Variants in ROBO2 observed in about 807,000 individuals in gnomAD.
The protein encoded by ROBO2 is roundabout guidance receptor 2, also known as roundabout homolog 2.
Under a neutral mutation model 160.8 loss-of-function variants are expected in ROBO2, and 53 were observed. That is an observed-to-expected ratio of 0.33 (90% CI 0.26 to 0.41). The LOEUF is 0.41. ROBO2 is among the 10% of genes least tolerant of loss of function. The pLI, the probability that ROBO2 is intolerant of heterozygous loss-of-function variation, is 1.00. For synonymous variants in ROBO2, 664 were observed against 611.7 expected, an observed-to-expected ratio of 1.09 and a Z score of -1.26; for missense variants, 1,577 against 1,722.4, an observed-to-expected ratio of 0.92 and a Z score of 1.49.
At chr3:75,941,086 A>C (rs1239402544) in intron 2 of ROBO2, among the ~76,000 whole-genome samples, 3 of 152,104 alleles carry the variant, frequency 2.0e-5, no homozygotes, top group Admixed American at 2.0e-4. Flanking sequence ...TACCATGCCC[A>C]GCTAGTTTAT....
chr3:77,321,526 A>G (rs1203611312), intron 2 of ROBO2, among the ~76,000 whole-genome samples: 1 of 152,132 alleles, frequency 6.6e-6, no homozygotes, highest in Non-Finnish European at 1.5e-5. Flanking sequence ...GTCTCAAAAG[A>G]AGAAAAAAAG....
intron 2 of ROBO2, among the ~76,000 whole-genome samples, chr3:76,644,033 C>G (rs1462271256): frequency 6.6e-6 from 1 of 152,106 alleles, no homozygotes; most frequent in East Asian, 1.9e-4. Context: ...ATGGATTGTA[C>G]CCATATAGAG....
At chr3:77,219,489 G>GTGTATATATATATATAATCTGTATATA (rs2085479710) in intron 2 of ROBO2, among the ~76,000 whole-genome samples, 1 of 111,476 alleles carries the variant, frequency 9.0e-6, no homozygotes, top group Non-Finnish European at 1.9e-5. Flanking sequence ...TATATAATCT[G>GTGTATATATATATATAATCTGTATATA]TATATATATA....
chr3:76,932,874 G>A (rs17819911), intron 2 of ROBO2, among the ~76,000 whole-genome samples: 22,085 of 151,900 alleles, frequency 0.15, 1,796 homozygotes, highest in Non-Finnish European at 0.19. Context: ...GAAAATGGGC[G>A]CTCGGATATA....
chr3:77,482,171 G>A (rs1261614528), intron 4 of ROBO2, among the ~76,000 whole-genome samples: 3 of 152,120 alleles, frequency 2.0e-5, no homozygotes, highest in East Asian at 3.9e-4. Flanking sequence ...CAGATATTAT[G>A]TGATTTTTTA....
At chr3:76,821,471 C>T (rs557651557) in intron 2 of ROBO2, among the ~76,000 whole-genome samples, 2 of 152,004 alleles carry the variant, frequency 1.3e-5, no homozygotes, top group South Asian at 2.1e-4. Flanking sequence ...TAAAATCATA[C>T]CTATCAATTT....
chr3:77,455,991 T>A (rs2153566594), intron 2 of ROBO2, among the ~76,000 whole-genome samples: 1 of 152,280 alleles, frequency 6.6e-6, no homozygotes, highest in African/African-American at 2.4e-5. Flanking sequence ...TAAAAATGAA[T>A]TATCAAGGCC....
intron 2 of ROBO2, among the ~76,000 whole-genome samples, chr3:76,167,011 C>T (rs2072863910): frequency 1.3e-5 from 2 of 152,230 alleles, no homozygotes; most frequent in South Asian, 4.1e-4. Context: ...GTGGCGTGAT[C>T]TTGGCTCACT....
At chr3:77,091,259 T>C (rs2070210127) in intron 1 of ROBO2, among the ~76,000 whole-genome samples, 1 of 152,196 alleles carries the variant, frequency 6.6e-6, no homozygotes, top group African/African-American at 2.4e-5. Flanking sequence ...TCCTTTATTA[T>C]ACTACGTGAT....
intron 2 of ROBO2, among the ~76,000 whole-genome samples, chr3:76,786,448 C>T (rs1456977089): frequency 2.0e-5 from 3 of 151,190 alleles, no homozygotes; most frequent in African/African-American, 7.3e-5. Flanking sequence ...GGGAAGTAGG[C>T]ATATCTTACA....
intron 2 of ROBO2, among the ~76,000 whole-genome samples, chr3:76,415,881 T>C (rs2075737832): frequency 2.0e-5 from 3 of 152,162 alleles, no homozygotes; most frequent in Non-Finnish European, 4.4e-5. Flanking sequence ...ACAACTGAAA[T>C]TGGAACTTTC....
At chr3:76,724,961 G>C (rs2093526285) in intron 2 of ROBO2, among the ~76,000 whole-genome samples, 1 of 152,126 alleles carries the variant, frequency 6.6e-6, no homozygotes, top group South Asian at 2.1e-4. Flanking sequence ...AACTCCAGCA[G>C]CCATCAGAAG....
chr3:77,468,007 T>G (rs1043497280), intron 2 of ROBO2, among the ~76,000 whole-genome samples: 2 of 152,182 alleles, frequency 1.3e-5, no homozygotes, highest in Admixed American at 1.3e-4. Flanking sequence ...CTAGAAACCA[T>G]CCTCCTCACA....
intron 2 of ROBO2, among the ~76,000 whole-genome samples, chr3:77,432,534 C>A (rs889128341): frequency 1.3e-5 from 2 of 152,110 alleles, no homozygotes; most frequent in African/African-American, 4.8e-5. Flanking sequence ...TGTCCCTGGG[C>A]CAACTCTGGT....
chr3:77,312,368 G>C lies in ROBO2; in HGVS notation c.389-165046G>C, dbSNP rs564533024. 2.6e-5 allele frequency among the ~76,000 whole-genome samples: 4 copies of C among 152,224 alleles called. 1 individual carries two copies. Among genetic ancestry groups the C allele is most frequent in the African/African-American group, 7.2e-5 (3 of 41,530 alleles). ...TTCATATATTGTTGGCAAATGATGA[G>C]TTTTACCTGTATTATTTGGAAGCAT... On this transcript the variant is annotated intron_variant, in intron 2 of 25. Transcript: ENST00000461745.
intron 4 of ROBO2, among the ~76,000 whole-genome samples, chr3:77,485,762 G>A (rs535052005): frequency 1.3e-5 from 2 of 152,080 alleles, no homozygotes; most frequent in East Asian, 1.9e-4. Flanking sequence ...TTTGTAATTT[G>A]AATTTTGTTT....
intron 2 of ROBO2, among the ~76,000 whole-genome samples, chr3:76,487,309 CG>C (rs1269101291): frequency 6.6e-6 from 1 of 151,810 alleles, no homozygotes; most frequent in Non-Finnish European, 1.5e-5. Context: ...CTTTCTGTCC[CG>C]TCACATCCTT....
chr3:77,028,041 T>A (rs1307277625), intron 2 of ROBO2, among the ~76,000 whole-genome samples: 1 of 152,108 alleles, frequency 6.6e-6, no homozygotes, highest in Admixed American at 6.5e-5. Context: ...CTCACTCTCC[T>A]GCTTTTCTGT....
intron 2 of ROBO2, among the ~76,000 whole-genome samples, chr3:76,993,601 A>G (rs1255100997): frequency 1.3e-5 from 2 of 152,158 alleles, no homozygotes; most frequent in Non-Finnish European, 2.9e-5. Context: ...CTCATAGGTA[A>G]GTGTGAATTG....
Sources: allele counts gnomAD v4.1 joint callset (sites outside exome capture counted in the v4.1 genomes callset), GRCh38; gene constraint gnomAD v4.1.1; transcripts MANE v1.5; gene names NCBI Gene and HGNC (gene_info 2026-07-23, HGNC 2026-07-21).